Variants in ZFHX3 observed in about 807,000 individuals in gnomAD.
ZFHX3 encodes the protein zinc finger homeobox protein 3.
A neutral mutation model predicts 279.1 loss-of-function variants in ZFHX3; 42 were observed. That is an observed-to-expected ratio of 0.15 (90% CI 0.12 to 0.19). The LOEUF (loss-of-function observed/expected upper bound fraction) is 0.19, where lower values mean the gene tolerates loss of function less well. ZFHX3 is among the 10% of genes least tolerant of loss of function. The probability of loss-of-function intolerance (pLI) is 1.00; values close to 1 mark genes in which losing one functional copy is unlikely to be tolerated. For synonymous variants in ZFHX3, 2,293 were observed against 1,957.8 expected, an observed-to-expected ratio of 1.17 and a Z score of -4.52; for missense variants, 4,981 against 4,754.0, an observed-to-expected ratio of 1.05 and a Z score of -1.40.
rs568931964 is a variant in ZFHX3, at chr16:73,418,832, C to T, written c.-1291+37171G>A. Among the ~76,000 whole-genome samples, 33 of 152,312 alleles carry T rather than the reference C, an allele frequency of 2.2e-4. No individual in the cohort carries two copies. The Middle Eastern group carries it at 0.017, about 78-fold the overall frequency. On this transcript the variant is annotated intron_variant, in intron 3 of 17. Coordinates refer to the ZFHX3 transcript ENST00000641206. The stretch of plus-strand genomic sequence containing the variant: ...ACATTCCTTTGTACATATATATAAA[C>T]AAAATCACTTCTTCCAATGGATACT...
chr16:73,822,268 C>T (rs1960767443), intron 1 of ZFHX3, among the ~76,000 whole-genome samples: 1 of 152,080 alleles, frequency 6.6e-6, no homozygotes, highest in African/African-American at 2.4e-5. Context: ...CTCCATTCAC[C>T]AAATCATCCC....
chr16:72,839,550 C>T (rs946806763), intron 4 of ZFHX3, among the ~76,000 whole-genome samples: 1 of 152,008 alleles, frequency 6.6e-6, no homozygotes, highest in African/African-American at 2.4e-5. Context: ...GATTCCAACC[C>T]AGTATGCTAC....
At position 72,834,311 on chromosome 16, in the gene ZFHX3, T is replaced by C. The variant is rs1354865179; in HGVS notation, c.3449-4452A>G. 4.6e-5 allele frequency among the ~76,000 whole-genome samples: 7 copies of C among 152,326 alleles called. No homozygotes were observed. In the South Asian group the frequency reaches 8.3e-4, roughly 18 times the overall value. ...CCTTTTTACAACTGCTTCTCCCAGA[T>C]AGCACTTACTTACTAGTGCCTGGCA... is the stretch of plus-strand genomic sequence containing the variant. On this transcript the variant is annotated intron_variant, in intron 4 of 9. Coordinates refer to ENST00000268489, the MANE Select transcript of ZFHX3 (RefSeq NM_006885.4).
rs144469738 is a variant in ZFHX3, at chr16:73,524,425, T to C, written c.-1546-68167A>G. ...CAACTGAAGTCTTGCGGCCTTTCCA[T>C]GACAACATATGCACGGGATGAAAAC... On this transcript the variant is annotated intron_variant, in intron 2 of 17. Transcript: ENST00000641206. Among the ~76,000 whole-genome samples the C allele has an allele frequency of 2.0e-4, 31 of 152,286 alleles. No homozygotes were observed. In the East Asian group the frequency reaches 5.6e-3, roughly 28 times the overall value.
chr16:73,124,155 T>C (rs1435155488), intron 7 of ZFHX3, among the ~76,000 whole-genome samples: 1 of 152,176 alleles, frequency 6.6e-6, no homozygotes, highest in Non-Finnish European at 1.5e-5. Context: ...TTTTGGCCTG[T>C]TCCGGCTGCC....
At chr16:73,434,276 C>T (rs8051200) in intron 3 of ZFHX3, among the ~76,000 whole-genome samples, 35,071 of 152,094 alleles carry the variant, frequency 0.23, 4,383 homozygotes, top group East Asian at 0.48. Flanking sequence ...TCCTGGGGCC[C>T]TTAGTAAATA....
rs377682715 is a variant in ZFHX3, at chr16:72,859,803, G to A, written c.3448+29928C>T. Among the ~76,000 whole-genome samples the A allele has an allele frequency of 4.6e-5, 7 of 152,208 alleles. No homozygotes were observed. The East Asian group carries it at 1.2e-3, about 25-fold the overall frequency. Reference sequence around the variant, plus strand: ...CTGGGTTGTGGTCACTTCTGGTAATGGCCTTAAGAACACAATTGGGCCACT... The same window carrying A: ...CTGGGTTGTGGTCACTTCTGGTAATAGCCTTAAGAACACAATTGGGCCACT... On this transcript the variant is annotated intron_variant, in intron 4 of 9. Coordinates refer to ENST00000268489, the MANE Select transcript of ZFHX3 (RefSeq NM_006885.4).
intron 3 of ZFHX3, among the ~76,000 whole-genome samples, chr16:73,397,767 G>T (rs1380643009): frequency 6.6e-6 from 1 of 150,800 alleles, no homozygotes; most frequent in South Asian, 2.1e-4. Context: ...CAGGTGGGCA[G>T]TGGTGGTATT....
rs148081484 is a variant in ZFHX3 at position 73,767,764 on chromosome 16, C to T, written c.-1607-87524G>A. Among the ~76,000 whole-genome samples, 14 of 152,026 alleles carry T rather than the reference C, an allele frequency of 9.2e-5. 1 individual carries two copies. The highest frequency in any genetic ancestry group is 3.3e-4 in the Admixed American group (5 of 15,258). ...TGCCATTTATGAGCTATGTGATCTG[C>T]GATGGGAGACTTAACCTCTGTGAGA... is the stretch of plus-strand genomic sequence containing the variant. On this transcript the variant is annotated intron_variant, in intron 1 of 17. Transcript: ENST00000641206.
intron 4 of ZFHX3, among the ~76,000 whole-genome samples, chr16:72,852,615 A>G (rs1597311182): frequency 6.6e-6 from 1 of 152,262 alleles, no homozygotes; most frequent in East Asian, 1.9e-4. Context: ...TCTTTTAAGT[A>G]AAAAATGAGG....
intron 1 of ZFHX3, among the ~76,000 whole-genome samples, chr16:73,786,621 G>T (rs1959655448): frequency 6.6e-6 from 1 of 152,138 alleles, no homozygotes; most frequent in Non-Finnish European, 1.5e-5. Context: ...GGCCAAAGAG[G>T]TCTCAATATT....
At chr16:73,440,730 C>A (rs943102802) in intron 3 of ZFHX3, among the ~76,000 whole-genome samples, 4 of 152,168 alleles carry the variant, frequency 2.6e-5, no homozygotes, top group Admixed American at 2.6e-4. Context: ...CCATCATGGC[C>A]AGCCTTTCAA....
intron 1 of ZFHX3, among the ~76,000 whole-genome samples, chr16:73,687,230 A>T (rs868394701): frequency 6.6e-6 from 1 of 150,630 alleles, no homozygotes; most frequent in East Asian, 2.0e-4. Context: ...CTCTAAAAAA[A>T]AAAGTACAAA....
At chr16:73,598,958 T>C (rs1415358705) in intron 2 of ZFHX3, among the ~76,000 whole-genome samples, 4 of 152,252 alleles carry the variant, frequency 2.6e-5, no homozygotes, top group South Asian at 2.1e-4. Flanking sequence ...AGACGGGGTT[T>C]CACCATCGTG....
Position 73,174,863 on chromosome 16 carries a change from C to CAAAA in ZFHX3, c.-1103-31036_-1103-31033dup, listed in dbSNP as rs34447211. Reference sequence around the variant, plus strand: ...CAAAACCCCGTCTCTACTAAAAATACAAAAAAAAAAAAAAAAAAAAATTAG... The same window carrying CAAAA: ...CAAAACCCCGTCTCTACTAAAAATACAAAAAAAAAAAAAAAAAAAAAAAAATTAG... On this transcript the variant is annotated intron_variant, in intron 5 of 17. Transcript: ENST00000641206. Among the ~76,000 whole-genome samples, 312 of 86,818 alleles carry CAAAA rather than the reference C, an allele frequency of 3.6e-3. 3 individuals carry two copies. Among genetic ancestry groups the CAAAA allele is most frequent in the African/African-American group, 0.011 (275 of 24,426 alleles). The allele number at this position is 86,818 out of a possible 152,430, so 57.0% of individuals were successfully genotyped here. A position where few individuals can be genotyped will look rare whatever the true frequency, so the allele number is the denominator to read the frequency against.
rs151051590 is a variant in ZFHX3 at position 73,483,274 on chromosome 16, G to C, written c.-1546-27016C>G. 566 of 419,192 alleles carry C rather than the reference G, an allele frequency of 1.4e-3. 4 individuals are homozygous for C. The highest frequency in any genetic ancestry group is 0.011 in the African/African-American group (520 of 47,612). The allele number at this position is 419,192 out of a possible 1,614,324, so 26.0% of individuals were successfully genotyped here. On this transcript the variant is annotated intron_variant, in intron 2 of 17. Coordinates refer to the ZFHX3 transcript ENST00000641206. The stretch of plus-strand genomic sequence containing the variant: ...TCGGGCTGCCAGGACAAATGCGTAC[G>C]CATAGACACGTGCACGGAGCCTCCG...
At chr16:73,049,863 A>G (rs114474384), upstream of ZFHX3, among the ~76,000 whole-genome samples, 454 of 152,328 alleles carry the variant, frequency 3.0e-3, 3 homozygotes, top group African/African-American at 0.011. Context: ...TATTGGCCAT[A>G]TAAGTTGAGA....
At chr16:73,040,272 G>A (rs1965063536) in intron 1 of ZFHX3, among the ~76,000 whole-genome samples, 1 of 152,088 alleles carries the variant, frequency 6.6e-6, no homozygotes, top group African/African-American at 2.4e-5. Flanking sequence ...ACAGGGCAAG[G>A]GACAGGCGAG....
intron 2 of ZFHX3, among the ~76,000 whole-genome samples, chr16:73,611,022 T>A (rs1306933995): frequency 6.6e-6 from 1 of 152,220 alleles, no homozygotes; most frequent in Non-Finnish European, 1.5e-5. Context: ...CAGAAACAGC[T>A]GAAACATCTA....
Sources: allele counts gnomAD v4.1 joint callset (sites outside exome capture counted in the v4.1 genomes callset), GRCh38; gene constraint gnomAD v4.1.1; transcripts MANE v1.5; gene names NCBI Gene and HGNC (gene_info 2026-07-23, HGNC 2026-07-21).